PARG: variants seen among roughly 807,000 people sequenced by gnomAD.
The protein encoded by PARG is poly(ADP-ribose) glycohydrolase, also known as mitochondrial poly(ADP-ribose) glycohydrolase.
A neutral mutation model predicts 113.0 loss-of-function variants in PARG; 35 were observed. That is an observed-to-expected ratio of 0.31 (90% CI 0.24 to 0.41). The LOEUF (loss-of-function observed/expected upper bound fraction) is 0.41, where lower values mean the gene tolerates loss of function less well. Among genes scored for constraint, PARG ranks in the 10% least tolerant of loss-of-function variants. The probability of loss-of-function intolerance (pLI) is 1.00; values close to 1 mark genes in which losing one functional copy is unlikely to be tolerated. For missense variants in PARG, 797 were observed against 1,169.4 expected (o/e 0.68, Z 4.64); for synonymous variants, 330 against 409.9 (o/e 0.81, Z 2.36).
At chr10:49,851,113 A>C (rs1426725766) in intron 13 of PARG, among the ~76,000 whole-genome samples, 1 of 152,186 alleles carries the variant, frequency 6.6e-6, no homozygotes, top group Non-Finnish European at 1.5e-5. Flanking sequence ...TCTTATGAGG[A>C]GTTCATGACC....
intron 13 of PARG, among the ~76,000 whole-genome samples, chr10:49,844,749 CAAAACA>C (rs1222510424): frequency 3.3e-5 from 5 of 151,606 alleles, no homozygotes; most frequent in African/African-American, 9.7e-5. Flanking sequence ...GACTCCATCT[CAAAACA>C]AAAACAAAAA....
intron 7 of PARG, among the ~76,000 whole-genome samples, chr10:49,906,410 A>C (rs1209090804): frequency 6.6e-6 from 1 of 151,962 alleles, no homozygotes; most frequent in Non-Finnish European, 1.5e-5. Context: ...AGCTTTACTC[A>C]ATTAGTTTTT....
intron 7 of PARG, among the ~76,000 whole-genome samples, chr10:49,894,876 A>G (rs1554842347): frequency 6.6e-6 from 1 of 152,208 alleles, no homozygotes; most frequent in East Asian, 1.9e-4. Flanking sequence ...TGTTGGTAGT[A>G]TCACGCTCCC....
chr10:49,909,575 G>A (rs1329771037), intron 7 of PARG: 1 of 154,328 alleles, frequency 6.5e-6, no homozygotes, highest in Non-Finnish European at 1.5e-5. Context: ...CTTGGAGCCT[G>A]TGGAGGCCTG....
chr10:49,906,234 C>CA (rs1436716366), intron 7 of PARG, among the ~76,000 whole-genome samples: 1 of 149,952 alleles, frequency 6.7e-6, no homozygotes, highest in Non-Finnish European at 1.5e-5. Flanking sequence ...CTGTCCACCT[C>CA]AGCCTCCCAA....
Position 49,818,552 on chromosome 10 carries a change from A to T in PARG, c.*788T>A, listed in dbSNP as rs1312088848. 1.3e-5 allele frequency: 2 copies of T among 152,616 alleles called. No individual in the cohort carries two copies. The highest frequency in any genetic ancestry group is 4.8e-5 in the African/African-American group (2 of 41,454). 9.5% of individuals were successfully genotyped at this position (152,616 alleles called of 1,614,324 possible). ...AAGAAACATTAGTCCTAATTTAAAA[A>T]GAAAAAAGTACCAAGAAACAAAAAA... On this transcript the variant is annotated 3_prime_UTR_variant, in exon 18 of 18. Transcript: ENST00000616448.
chr10:49,827,095 A>C (rs551426192), intron 16 of PARG, among the ~76,000 whole-genome samples: 1 of 152,316 alleles, frequency 6.6e-6, no homozygotes, highest in East Asian at 1.9e-4. Context: ...AAGAATCCTA[A>C]TACAGAACTT....
At chr10:49,922,081 T>C (rs574516108) in intron 6 of PARG, among the ~76,000 whole-genome samples, 98 of 152,260 alleles carry the variant, frequency 6.4e-4, no homozygotes, top group Middle Eastern at 6.8e-3. Context: ...CTGAAGGAAA[T>C]TGGATGGGGA....
intron 11 of PARG, among the ~76,000 whole-genome samples, chr10:49,864,947 G>C (rs1390032193): frequency 8.1e-6 from 1 of 123,292 alleles, no homozygotes; most frequent in Non-Finnish European, 1.8e-5. Context: ...TTGTCCTCCA[G>C]AAAGAAAAGC....
At chr10:49,885,158 A>G (rs1554840210) in intron 8 of PARG, 45 bp downstream of exon 8, 1 of 1,037,560 alleles carries the variant, frequency 9.6e-7, no homozygotes, top group Non-Finnish European at 1.5e-6. Flanking sequence ...GGGAAATTCA[A>G]TTGGCAGTCT....
At chr10:49,914,342 T>G (rs1248576637) in intron 7 of PARG, among the ~76,000 whole-genome samples, 1 of 152,218 alleles carries the variant, frequency 6.6e-6, no homozygotes, top group Non-Finnish European at 1.5e-5. Context: ...CTTTTCATCA[T>G]ATCAGATATT....
chr10:49,916,203 G>A (rs1837464966), intron 6 of PARG, among the ~76,000 whole-genome samples: 1 of 151,990 alleles, frequency 6.6e-6, no homozygotes, highest in Non-Finnish European at 1.5e-5. Context: ...AGATTAGAAA[G>A]GTCAAGTAAT....
At chr10:49,827,338 G>T (rs1844409546) in intron 16 of PARG, among the ~76,000 whole-genome samples, 1 of 152,198 alleles carries the variant, frequency 6.6e-6, no homozygotes, top group Non-Finnish European at 1.5e-5. Context: ...AATGGGGATA[G>T]AAAAGAAAAT....
chr10:49,907,210 T>A (rs149271741), intron 7 of PARG, among the ~76,000 whole-genome samples: 672 of 152,232 alleles, frequency 4.4e-3, no homozygotes, highest in East Asian at 0.018. Context: ...GCATTTGTGG[T>A]GACAAGGCAC....
chr10:49,830,863 A>G (rs1391378706), intron 16 of PARG, among the ~76,000 whole-genome samples: 1 of 152,222 alleles, frequency 6.6e-6, no homozygotes, highest in Non-Finnish European at 1.5e-5. Context: ...TTACCTTAAG[A>G]AGATAATTAC....
chr10:49,912,393 G>A (rs1206800621), intron 7 of PARG, among the ~76,000 whole-genome samples: 2 of 151,630 alleles, frequency 1.3e-5, no homozygotes, highest in African/African-American at 4.8e-5. Flanking sequence ...GGCCGAGCGC[G>A]GTGGCTCATG....
At chr10:49,938,032 A>T (rs1428963267) in intron 1 of PARG, among the ~76,000 whole-genome samples, 2 of 152,196 alleles carry the variant, frequency 1.3e-5, no homozygotes, top group Non-Finnish European at 2.9e-5. Context: ...TTTAACTAGA[A>T]ATAGTCACAG....
chr10:49,919,368 G>A (rs1404939635), intron 6 of PARG, among the ~76,000 whole-genome samples: 1 of 152,192 alleles, frequency 6.6e-6, no homozygotes, highest in Admixed American at 6.5e-5. Context: ...GTATTCCTGG[G>A]CAGCCTGCTT....
At chr10:49,876,548 C>G (rs1846945267) in intron 9 of PARG, among the ~76,000 whole-genome samples, 1 of 152,138 alleles carries the variant, frequency 6.6e-6, no homozygotes, top group African/African-American at 2.4e-5. Flanking sequence ...GTGCACCTCT[C>G]CAGAGGTACA....
Sources: gnomAD v4.1 joint callset for allele counts (sites outside exome capture counted in the v4.1 genomes callset) on GRCh38, gnomAD v4.1.1 for gene constraint, MANE v1.5 for transcripts, NCBI Gene and HGNC (gene_info 2026-07-23, HGNC 2026-07-21) for gene names.